Variants in CTNNA3 observed in about 807,000 individuals in gnomAD.
CTNNA3 encodes the protein catenin alpha 3, also known as catenin alpha-3.
CTNNA3 carries 76 observed loss-of-function variants against 95.7 expected under a neutral mutation model. The observed-to-expected ratio is 0.79, with a 90% confidence interval of 0.66 to 0.96. CTNNA3 has a LOEUF of 0.96. Among genes scored for constraint, CTNNA3 ranks in the 40% least tolerant of loss-of-function variants. The pLI is 0.00. For missense variants in CTNNA3, 1,191 were observed against 1,089.8 expected, an observed-to-expected ratio of 1.09 and a Z score of -1.31; for synonymous variants, 431 against 374.4, an observed-to-expected ratio of 1.15 and a Z score of -1.74.
intron 13 of CTNNA3, among the ~76,000 whole-genome samples, chr10:66,265,352 C>A (rs2091121151): frequency 6.6e-6 from 1 of 151,918 alleles, no homozygotes; most frequent in Non-Finnish European, 1.5e-5. Flanking sequence ...GGTAGTACTG[C>A]TTGATTAACA....
intron 12 of CTNNA3, among the ~76,000 whole-genome samples, chr10:66,281,570 T>A (rs2091491805): frequency 6.6e-6 from 1 of 151,954 alleles, no homozygotes; most frequent in Non-Finnish European, 1.5e-5. Flanking sequence ...CAAACTAATC[T>A]ACTATATCAT....
intron 10 of CTNNA3, among the ~76,000 whole-genome samples, chr10:66,593,171 G>C (rs1843607286): frequency 6.6e-6 from 1 of 152,126 alleles, no homozygotes; most frequent in African/African-American, 2.4e-5. Context: ...CCAATTCATA[G>C]GATCTTGCTT....
chr10:67,163,693 T>C (rs1203347334), intron 7 of CTNNA3, among the ~76,000 whole-genome samples: 10 of 151,888 alleles, frequency 6.6e-5, no homozygotes, highest in Non-Finnish European at 1.5e-4. Flanking sequence ...ATTCCTACTA[T>C]CTATACATGA....
At chr10:66,597,681 G>A (rs1021443470) in intron 10 of CTNNA3, among the ~76,000 whole-genome samples, 6 of 150,836 alleles carry the variant, frequency 4.0e-5, no homozygotes, top group Non-Finnish European at 5.9e-5. Flanking sequence ...GTTGGTTTTT[G>A]TGCAGAAAAC....
chr10:67,426,493 C>A (rs556266635), intron 5 of CTNNA3, among the ~76,000 whole-genome samples: 1 of 152,150 alleles, frequency 6.6e-6, no homozygotes, highest in South Asian at 2.1e-4. Flanking sequence ...AGGATGAGTT[C>A]ATGTCCTTTG....
chr10:67,339,023 G>A (rs1842087696), intron 5 of CTNNA3, among the ~76,000 whole-genome samples: 1 of 152,104 alleles, frequency 6.6e-6, no homozygotes, highest in Admixed American at 6.6e-5. Context: ...TATGAAAGTT[G>A]ACCAATATTT....
At chr10:66,341,477 A>G (rs1340990673) in intron 12 of CTNNA3, among the ~76,000 whole-genome samples, 7 of 151,952 alleles carry the variant, frequency 4.6e-5, no homozygotes, top group Admixed American at 3.3e-4. Context: ...TTTAGTTCTA[A>G]GAAGAAATAG....
intron 13 of CTNNA3, among the ~76,000 whole-genome samples, chr10:66,141,410 T>C (rs1430967280): frequency 6.6e-6 from 1 of 152,058 alleles, no homozygotes; most frequent in African/African-American, 2.4e-5. Flanking sequence ...TTGTTATTTA[T>C]ACCAAAAAAA....
intron 7 of CTNNA3, among the ~76,000 whole-genome samples, chr10:66,782,575 T>C (rs1052240134): frequency 6.6e-6 from 1 of 152,028 alleles, no homozygotes; most frequent in Non-Finnish European, 1.5e-5. Context: ...TGTGAGACTT[T>C]TGTTATCTTT....
intron 14 of CTNNA3, among the ~76,000 whole-genome samples, chr10:66,097,726 G>C (rs1361463493): frequency 1.3e-5 from 2 of 152,064 alleles, no homozygotes; most frequent in Non-Finnish European, 2.9e-5. Context: ...TTATTACTCA[G>C]GTAAGTTTGA....
At chr10:66,945,012 C>T (rs1288480596) in intron 7 of CTNNA3, among the ~76,000 whole-genome samples, 1 of 152,106 alleles carries the variant, frequency 6.6e-6, no homozygotes, top group Non-Finnish European at 1.5e-5. Context: ...GTTGATTTAG[C>T]ATCATTCTTA....
chr10:67,355,293 T>C (rs965095604), intron 5 of CTNNA3, among the ~76,000 whole-genome samples: 2 of 152,038 alleles, frequency 1.3e-5, no homozygotes, highest in Non-Finnish European at 2.9e-5. Flanking sequence ...TTTCATGAGA[T>C]AGGCAGAAGG....
chr10:67,582,989 C>T lies in CTNNA3; in HGVS notation c.292+23868G>A, dbSNP rs917536620. ...AGATGGGTTTCCTGAATACAGCACA[C>T]TGATGGGTCTTGACTCTTTACCCAA... On this transcript the variant is annotated intron_variant, in intron 3 of 17. Transcript: ENST00000433211. 6.6e-5 allele frequency among the ~76,000 whole-genome samples: 10 copies of T among 152,202 alleles called. No homozygotes were observed. The East Asian group carries it at 9.7e-4, about 15-fold the overall frequency.
intron 7 of CTNNA3, among the ~76,000 whole-genome samples, chr10:66,946,277 T>C (rs1251654520): frequency 3.9e-5 from 6 of 152,118 alleles, no homozygotes; most frequent in South Asian, 2.1e-4. Context: ...TCTTTGGAAA[T>C]AGTGATCACA....
chr10:67,564,186 A>G lies in CTNNA3; in HGVS notation c.293-24517T>C, dbSNP rs545470813. On this transcript the variant is annotated intron_variant, in intron 3 of 17. Transcript: ENST00000433211. ...ATAAATCATGCTTCTATAAAGACAC[A>G]TGCACACGTATGTTTATTGTGGCAC... is the stretch of plus-strand genomic sequence containing the variant. 7.1e-4 allele frequency among the ~76,000 whole-genome samples: 107 copies of G among 149,936 alleles called. 4 individuals are homozygous for G. The highest frequency in any genetic ancestry group is 2.6e-3 in the African/African-American group (104 of 40,594).
At chr10:67,144,459 C>A (rs1344312603) in intron 7 of CTNNA3, among the ~76,000 whole-genome samples, 1 of 152,216 alleles carries the variant, frequency 6.6e-6, no homozygotes, top group African/African-American at 2.4e-5. Context: ...CAACAGAAGA[C>A]TGTTTTATCT....
chr10:67,239,851 G>A (rs1197507294), intron 5 of CTNNA3, among the ~76,000 whole-genome samples: 2 of 151,794 alleles, frequency 1.3e-5, no homozygotes, highest in Non-Finnish European at 2.9e-5. Flanking sequence ...CCACTTTGAG[G>A]GCTCATATTT....
intron 5 of CTNNA3, among the ~76,000 whole-genome samples, chr10:67,270,218 T>C (rs1838914968): frequency 6.6e-6 from 1 of 152,092 alleles, no homozygotes; most frequent in Admixed American, 6.5e-5. Context: ...ATTATCTTTC[T>C]AGAGAATCTA....
At chr10:66,341,332 T>A (rs1189390076) in intron 12 of CTNNA3, among the ~76,000 whole-genome samples, 1 of 151,904 alleles carries the variant, frequency 6.6e-6, no homozygotes, top group Non-Finnish European at 1.5e-5. Flanking sequence ...TAACTTGAGA[T>A]AATAAAGGAC....
Sources: gnomAD v4.1 joint callset for allele counts (sites outside exome capture counted in the v4.1 genomes callset) on GRCh38, gnomAD v4.1.1 for gene constraint, MANE v1.5 for transcripts, NCBI Gene and HGNC (gene_info 2026-07-23, HGNC 2026-07-21) for gene names.